RAB5A: variants seen among roughly 807,000 people sequenced by gnomAD.
RAB5A encodes ras-related protein Rab-5A.
Under a neutral mutation model 25.7 loss-of-function variants are expected in RAB5A, and 8 were observed. The observed-to-expected ratio is 0.31, with a 90% CI of 0.18 to 0.56. The LOEUF (loss-of-function observed/expected upper bound fraction) is 0.56, where lower values mean the gene tolerates loss of function less well. Ranked by LOEUF, RAB5A falls within the 20% of genes least tolerant of loss-of-function variation. RAB5A has a pLI of 0.91. For synonymous variants in RAB5A, 98 were observed against 89.8 expected (o/e 1.09, Z -0.52); for missense variants, 192 against 259.7 (o/e 0.74, Z 1.79).
intron 2 of RAB5A, among the ~76,000 whole-genome samples, chr3:19,974,546 T>C (rs939190192): frequency 6.6e-6 from 1 of 152,004 alleles, no homozygotes; most frequent in Non-Finnish European, 1.5e-5. Context: ...GGAGCAAATA[T>C]TGAATCAACT....
intron 2 of RAB5A, among the ~76,000 whole-genome samples, chr3:19,956,443 G>C (rs1696503833): frequency 6.6e-6 from 1 of 152,206 alleles, no homozygotes; most frequent in Non-Finnish European, 1.5e-5. Context: ...GACAGGGCGA[G>C]ACTCCGTCTC....
Position 19,950,971 on chromosome 3 carries a change from C to A in RAB5A, c.73C>A (p.Leu25Ile). 6.2e-7 allele frequency: 1 copy of A among 1,614,122 alleles called. No homozygotes were observed. Among genetic ancestry groups the A allele is most frequent in the South Asian group, 1.1e-5 (1 of 91,092 alleles). The change falls in exon 2 of 6, where the codon CTT (leucine) becomes ATT (isoleucine). Residue 25 changes from leucine to isoleucine, a missense_variant. Transcript: ENST00000273047. ...GNKICQFKLV[L>I]LGESAVGKSS... is the part of the protein sequence containing the mutation. ...TAAAATATGCCAGTTCAAACTAGTA[C>A]TTCTGGGAGAGTCCGCTGTTGGCAA...
At chr3:19,973,313 T>C (rs1696777966) in intron 2 of RAB5A, among the ~76,000 whole-genome samples, 1 of 152,184 alleles carries the variant, frequency 6.6e-6, no homozygotes, top group Non-Finnish European at 1.5e-5. Context: ...GTGAATGTTT[T>C]TAGTACTAGT....
At position 19,961,209 on chromosome 3, in the gene RAB5A, G is replaced by A. The variant is rs114978406; in HGVS notation, c.163+10148G>A. On this transcript the variant is annotated intron_variant, in intron 2 of 5. Coordinates refer to ENST00000273047, the MANE Select transcript of RAB5A (RefSeq NM_004162.5). ...AACAGGATTTTCAGAAGTTTCATCT[G>A]TACCTTACCATGGCTATATGGGAAG... is the stretch of plus-strand genomic sequence containing the variant. Among the ~76,000 whole-genome samples, 1,466 of 152,286 alleles carry A rather than the reference G, an allele frequency of 9.6e-3. 23 individuals carry two copies. The highest frequency in any genetic ancestry group is 0.031 in the African/African-American group (1,291 of 41,552).
At chr3:19,978,099 C>G (rs1459113918) in intron 4 of RAB5A, among the ~76,000 whole-genome samples, 1 of 152,088 alleles carries the variant, frequency 6.6e-6, no homozygotes, top group Non-Finnish European at 1.5e-5. Context: ...GCAAGAATTT[C>G]AGACAAAAAA....
chr3:19,954,663 C>G (rs759717149), intron 2 of RAB5A, among the ~76,000 whole-genome samples: 4 of 151,974 alleles, frequency 2.6e-5, no homozygotes, highest in Non-Finnish European at 5.9e-5. Flanking sequence ...ACAAAAAATA[C>G]GAAAATTAAC....
chr3:19,968,849 AGTTT>A (rs1253800248), intron 2 of RAB5A, among the ~76,000 whole-genome samples: 2 of 152,150 alleles, frequency 1.3e-5, no homozygotes, highest in African/African-American at 4.8e-5. Context: ...TGAGCATAAA[AGTTT>A]GTTCTACCTA....
chr3:19,983,320 T>C (rs1438933543), intron 5 of RAB5A, among the ~76,000 whole-genome samples: 1 of 125,968 alleles, frequency 7.9e-6, no homozygotes, highest in Non-Finnish European at 1.6e-5. Flanking sequence ...TAGGTGAGCC[T>C]GGGTGACAGA....
chr3:19,983,654 CTGATAT>C, intron 5 of RAB5A, 48 bp from the exon 6 acceptor site: 1 of 1,184,622 alleles, frequency 8.4e-7, no homozygotes, highest in Non-Finnish European at 1.2e-6. Flanking sequence ...GCAGGTGAAA[CTGATAT>C]TAATATGAGT....
At chr3:19,970,765 T>A (rs938121630) in intron 2 of RAB5A, 2 of 298,720 alleles carry the variant, frequency 6.7e-6, no homozygotes, top group Non-Finnish European at 1.3e-5. Context: ...TGTAGTAGTT[T>A]TATCTTTTCA....
intron 2 of RAB5A, among the ~76,000 whole-genome samples, chr3:19,958,009 T>G (rs1696530231): frequency 6.6e-6 from 1 of 152,240 alleles, no homozygotes; most frequent in South Asian, 2.1e-4. Flanking sequence ...CTTGTTAGCC[T>G]TCAGAATGAC....
chr3:19,975,797 CT>C (rs752227516), intron 3 of RAB5A, 45 bp downstream of exon 3: 1 of 1,533,318 alleles, frequency 6.5e-7, no homozygotes, highest in Non-Finnish European at 8.8e-7. Context: ...TGAGTACCCA[CT>C]TTTGGTGTTC....
rs866807826 is a variant in RAB5A, at chr3:19,977,204, C to G, written c.438+1035C>G. Among the ~76,000 whole-genome samples the G allele has an allele frequency of 2.9e-4, 44 of 152,010 alleles. 1 individual carries two copies. The highest frequency in any genetic ancestry group is 1.0e-4 in the Non-Finnish European group (7 of 68,004). ...TCTGCTGCCTCAGCCTCCCAAGTAG[C>G]TGGGACTACAGGCGCCCACCACCAC... On this transcript the variant is annotated intron_variant, in intron 4 of 5. Transcript: ENST00000273047.
At chr3:19,969,035 TTTTTTTTTGG>T (rs63374360) in intron 2 of RAB5A, among the ~76,000 whole-genome samples, 26,930 of 121,458 alleles carry the variant, frequency 0.22, 3,044 homozygotes, top group African/African-American at 0.41. Context: ...GTTTTGGTTT[TTTTTTTTTGG>T]TTTTTTTTTT....
intron 2 of RAB5A, chr3:19,970,460 C>G (rs1489843972): frequency 2.4e-6 from 1 of 422,200 alleles, no homozygotes; most frequent in Admixed American, 2.8e-5. Flanking sequence ...AGGAGCTGAT[C>G]ACGTAGCTCA....
Position 19,984,803 on chromosome 3 carries a change from C to A in RAB5A, c.*980C>A, listed in dbSNP as rs1697001841. ...TAAAAGCATACAAAATGTACTGTTA[C>A]TAAAACAGCTAATTATTTCTCTCTC... On this transcript the variant is annotated 3_prime_UTR_variant, in exon 6 of 6. Coordinates refer to ENST00000273047, the MANE Select transcript of RAB5A (RefSeq NM_004162.5). 2.0e-5 allele frequency: 3 copies of A among 153,048 alleles called. No homozygotes were observed. Among genetic ancestry groups the A allele is most frequent in the Admixed American group, 1.3e-4 (2 of 15,274 alleles). 9.5% of individuals were successfully genotyped at this position (153,048 alleles called of 1,614,324 possible).
chr3:19,962,796 AGT>A (rs1174648740), intron 2 of RAB5A, among the ~76,000 whole-genome samples: 2 of 150,752 alleles, frequency 1.3e-5, no homozygotes, highest in Admixed American at 1.3e-4. Context: ...TTTAGAGCCC[AGT>A]GTGTTTGGTT....
intron 2 of RAB5A, among the ~76,000 whole-genome samples, chr3:19,952,863 T>C (rs1474491816): frequency 2.0e-5 from 3 of 152,162 alleles, no homozygotes; most frequent in South Asian, 4.1e-4. Context: ...AAGGCTTTGC[T>C]TCCTCCAGAA....
intron 1 of RAB5A, among the ~76,000 whole-genome samples, chr3:19,948,955 AAGG>A (rs1415063968): frequency 6.6e-6 from 1 of 152,190 alleles, no homozygotes; most frequent in African/African-American, 2.4e-5. Flanking sequence ...TTTCTTATCA[AAGG>A]AGCACATTAT....
Sources: allele counts gnomAD v4.1 joint callset (sites outside exome capture counted in the v4.1 genomes callset), GRCh38; gene constraint gnomAD v4.1.1; transcripts MANE v1.5; gene names NCBI Gene and HGNC (gene_info 2026-07-23, HGNC 2026-07-21).